ECSCR: variants seen among roughly 807,000 people sequenced by gnomAD.
The protein encoded by ECSCR is endothelial cell-specific chemotaxis regulator.
ECSCR carries 12 observed loss-of-function variants against 16.7 expected under a neutral mutation model. The ratio of observed to expected loss-of-function variants is 0.72; its 90% confidence interval spans 0.46 to 1.17. The LOEUF is 1.17. Among genes scored for constraint, ECSCR ranks in the 50% most tolerant of loss-of-function variants. The pLI, the probability that ECSCR is intolerant of heterozygous loss-of-function variation, is 0.00. For synonymous variants in ECSCR, 44 were observed against 42.2 expected, an observed-to-expected ratio of 1.04 and a Z score of -0.17; for missense variants, 122 against 116.1, an observed-to-expected ratio of 1.05 and a Z score of -0.23.
intron 1 of ECSCR, among the ~76,000 whole-genome samples, chr5:139,462,334 A>T (rs1355734321): frequency 2.0e-5 from 3 of 152,140 alleles, no homozygotes; most frequent in Non-Finnish European, 4.4e-5. Context: ...TCTTGCACTA[A>T]CACAGCTCCC....
At chr5:139,458,243 A>G (rs1347735898) in intron 1 of ECSCR, 60 bp from the exon 2 acceptor site, 12 of 1,503,586 alleles carry the variant, frequency 8.0e-6, no homozygotes, top group Non-Finnish European at 1.1e-5. Context: ...AGAGCCTAGA[A>G]AGGAACCCTT....
rs1429669313 is a variant in ECSCR, at chr5:139,453,995, GGTGT to G, written c.512+603_512+606del. 1.8e-3 allele frequency among the ~76,000 whole-genome samples: 262 copies of G among 147,858 alleles called. 2 individuals carry two copies. Among genetic ancestry groups the G allele is most frequent in the Non-Finnish European group, 3.5e-3 (230 of 66,646 alleles). On this transcript the variant is annotated intron_variant, in intron 8 of 9. Coordinates refer to ENST00000618155, the MANE Select transcript of ECSCR (RefSeq NM_001077693.4). ...GATGTGGGGCATGTGGTATGTTTGA[GGTGT>G]GTTGGGGTGTGTGTATAGTATGGGA... is the stretch of plus-strand genomic sequence containing the variant.
chr5:139,456,513 C>A lies in ECSCR; in HGVS notation c.223G>T (p.Gly75Cys). Residue 75 changes from glycine to cysteine, a missense_variant, in exon 5 of 10, where the codon GGT becomes TGT. Transcript: ENST00000618155. ...HLSSTGTPGA[G>C]VPSSGRDGGT... Reference sequence around the variant, plus strand: ...CCGTCTCTTCCACTGCTGGGGACACCTGCGCCTGCACCATGAAACAGCATG... The same window carrying A: ...CCGTCTCTTCCACTGCTGGGGACACATGCGCCTGCACCATGAAACAGCATG... 2.5e-6 allele frequency: 1 copy of A among 398,710 alleles called. No homozygotes were observed. Among genetic ancestry groups the A allele is most frequent in the East Asian group, 3.6e-5 (1 of 28,082 alleles). 24.7% of individuals were successfully genotyped at this position (398,710 alleles called of 1,614,324 possible). A position where few individuals can be genotyped will look rare whatever the true frequency, so the allele number is the denominator to read the frequency against.
In ECSCR at chr5:139,458,496, T is replaced by TCAACAACAA. The variant is rs1372108322; in HGVS notation, c.62-314_62-313insTTGTTGTTG. On this transcript the variant is annotated intron_variant, in intron 1 of 9. Coordinates refer to ENST00000618155, the MANE Select transcript of ECSCR (RefSeq NM_001077693.4). Reference sequence around the variant, plus strand: ...CTGGGCAACAGGTGGAGACCCTATCTCAACAAAAAAAAAAAAAAAAAAAAA... The same window carrying TCAACAACAA: ...CTGGGCAACAGGTGGAGACCCTATCTCAACAACAACAACAAAAAAAAAAAAAAAAAAAAA... 5.4e-4 allele frequency among the ~76,000 whole-genome samples: 18 copies of TCAACAACAA among 33,118 alleles called. 1 individual carries two copies. The highest frequency in any genetic ancestry group is 3.0e-3 in the African/African-American group (17 of 5,630). 21.7% of individuals were successfully genotyped at this position (33,118 alleles called of 152,430 possible).
chr5:139,462,620 G>A lies in ECSCR; in HGVS notation c.51C>T (p.Leu17=), dbSNP rs1299482684. 2 of 1,597,946 alleles carry A rather than the reference G, an allele frequency of 1.3e-6. No individual in the cohort carries two copies. The highest frequency in any genetic ancestry group is 1.7e-4 in the Middle Eastern group (1 of 6,050). Residue 17 remains leucine (L), a synonymous_variant, in exon 1 of 10, where the codon CTC becomes CTT. Transcript: ENST00000618155. ...GCAGGCACCTCTTACCTCGGAACAG[G>A]AGGAAGCCCAGGATCACCCAGCACA... is the stretch of plus-strand genomic sequence containing the variant. ...MQLCWVILGF[L]LFRGHNSQPT... is the part of the protein sequence containing the mutation.
In ECSCR at chr5:139,459,503, C is replaced by T. The variant is rs750579944; in HGVS notation, c.62-1320G>A. The stretch of plus-strand genomic sequence containing the variant: ...TATGTACACGTGTGTCTGCGGGGCT[C>T]TATGCAAATGTATGTGCATGCTCGT... On this transcript the variant is annotated intron_variant, in intron 1 of 9. Coordinates refer to ENST00000618155, the MANE Select transcript of ECSCR (RefSeq NM_001077693.4). 1.2e-4 allele frequency among the ~76,000 whole-genome samples: 18 copies of T among 152,304 alleles called. 1 individual carries two copies. The highest frequency in any genetic ancestry group is 2.2e-4 in the Non-Finnish European group (15 of 68,028).
chr5:139,451,266 T>A (rs911067188), intron 8 of ECSCR, among the ~76,000 whole-genome samples: 1 of 132,018 alleles, frequency 7.6e-6, no homozygotes, highest in Non-Finnish European at 1.6e-5. Context: ...GGTATGGGAG[T>A]GTTATGTGTC....
intron 8 of ECSCR, among the ~76,000 whole-genome samples, chr5:139,454,007 T>TG (rs1751101286): frequency 7.3e-6 from 1 of 137,226 alleles, no homozygotes; most frequent in Non-Finnish European, 1.6e-5. Context: ...TGTGTTGGGG[T>TG]GTGTGTATAG....
intron 1 of ECSCR, among the ~76,000 whole-genome samples, chr5:139,462,143 G>A (rs566745992): frequency 6.6e-6 from 1 of 152,244 alleles, no homozygotes; most frequent in Admixed American, 6.5e-5. Flanking sequence ...ATCTACATTA[G>A]GAATTCCTAG....
At chr5:139,453,981 TGTG>T (rs1469271468) in intron 8 of ECSCR, among the ~76,000 whole-genome samples, 10 of 142,994 alleles carry the variant, frequency 7.0e-5, no homozygotes, top group African/African-American at 2.6e-4. Flanking sequence ...ATGTGGGGCA[TGTG>T]GTATGTTTGA....
At chr5:139,462,137 A>G (rs560427281) in intron 1 of ECSCR, among the ~76,000 whole-genome samples, 1 of 152,320 alleles carries the variant, frequency 6.6e-6, no homozygotes, top group East Asian at 1.9e-4. Context: ...TTTAAAATCT[A>G]CATTAGGAAT....
At chr5:139,457,101 C>T (rs1287010258) in intron 4 of ECSCR, among the ~76,000 whole-genome samples, 6 of 152,200 alleles carry the variant, frequency 3.9e-5, no homozygotes, top group Admixed American at 1.3e-4. Context: ...GCATGTGCAC[C>T]GGGTGGGCTC....
chr5:139,455,031 G>A, intron 6 of ECSCR, 108 bp from the exon 7 acceptor site: 1 of 397,878 alleles, frequency 2.5e-6, no homozygotes, highest in Non-Finnish European at 4.4e-6. Flanking sequence ...CAGGCTCCAG[G>A]AGCAAAGTGA....
At chr5:139,455,058 G>A in intron 6 of ECSCR, 135 bp from the exon 7 acceptor site, 1 of 365,464 alleles carries the variant, frequency 2.7e-6, no homozygotes, top group Non-Finnish European at 4.6e-6. Flanking sequence ...CTTCTCTGCT[G>A]AACAGGTGAG....
intron 4 of ECSCR, among the ~76,000 whole-genome samples, chr5:139,456,991 G>A (rs953272217): frequency 1.4e-4 from 22 of 152,308 alleles, no homozygotes; most frequent in Non-Finnish European, 2.4e-4. Context: ...GCCTGCCCTC[G>A]GCATCACGGG....
In ECSCR at chr5:139,458,146, G is replaced by A. The variant is rs998404875; in HGVS notation, c.99C>T (p.Ser33=). 6.5e-7 allele frequency: 1 copy of A among 1,549,680 alleles called. No individual in the cohort carries two copies. The highest frequency in any genetic ancestry group is 8.7e-7 in the Non-Finnish European group (1 of 1,146,934). Reference sequence around the variant, plus strand: ...CCATGTGTTTGGTCTTACCCTGAGAGCTAGAGGTCTGGGTCATTGTGGGCT... The same window carrying A: ...CCATGTGTTTGGTCTTACCCTGAGAACTAGAGGTCTGGGTCATTGTGGGCT... ...NSQPTMTQTS[S]SQGGLGGLSL... Residue 33 remains serine (S), a synonymous_variant, in exon 2 of 10, where the codon AGC becomes AGT. Transcript: ENST00000618155.
At chr5:139,458,256 A>G (rs1354564764) in intron 1 of ECSCR, 73 bp from the exon 2 acceptor site, 1 of 1,443,912 alleles carries the variant, frequency 6.9e-7, no homozygotes, top group East Asian at 2.5e-5. Context: ...GAACCCTTAG[A>G]ATGCCTTCTG....
At position 139,448,720 on chromosome 5, in the gene ECSCR, CCT is replaced by C. The variant is rs1750963089; in HGVS notation, c.*178_*179del. On this transcript the variant is annotated 3_prime_UTR_variant, in exon 10 of 10. Coordinates refer to ENST00000618155, the MANE Select transcript of ECSCR (RefSeq NM_001077693.4). ...GCTGTCCATACAGGAAAGAGTCTCC[CCT>C]GTTGGTAGCTTGCTCCCAGATCTGG... 1 of 1,434,700 alleles carries C rather than the reference CCT, an allele frequency of 7.0e-7. No individual in the cohort carries two copies. Among genetic ancestry groups the C allele is most frequent in the Non-Finnish European group, 9.1e-7 (1 of 1,099,858 alleles). 88.9% of individuals were successfully genotyped at this position (1,434,700 alleles called of 1,614,324 possible).
At chr5:139,456,332 G>C (rs1216161654) in intron 5 of ECSCR, 142 bp downstream of exon 5, 5 of 386,166 alleles carry the variant, frequency 1.3e-5, no homozygotes, top group Non-Finnish European at 2.3e-5. Flanking sequence ...CCCAATTGCT[G>C]TTCCACTTAT....
Sources: gnomAD v4.1 joint callset for allele counts (sites outside exome capture counted in the v4.1 genomes callset) on GRCh38, gnomAD v4.1.1 for gene constraint, MANE v1.5 for transcripts, NCBI Gene and HGNC (gene_info 2026-07-23, HGNC 2026-07-21) for gene names.